Variants in CSMD1 observed in about 807,000 individuals in gnomAD.
CSMD1 encodes CUB and Sushi multiple domains 1.
Under a neutral mutation model 417.5 loss-of-function variants are expected in CSMD1, and 213 were observed. The ratio of observed to expected loss-of-function variants is 0.51; its 90% CI spans 0.46 to 0.57. The LOEUF (loss-of-function observed/expected upper bound fraction) is 0.57. Among genes scored for constraint, CSMD1 ranks in the 20% least tolerant of loss-of-function variants. The pLI is 0.00. For synonymous variants in CSMD1, 2,862 were observed against 1,736.8 expected, an observed-to-expected ratio of 1.65 and a Z score of -16.11; for missense variants, 6,923 against 4,529.7, an observed-to-expected ratio of 1.53 and a Z score of -15.17.
intron 6 of CSMD1, among the ~76,000 whole-genome samples, chr8:3,718,177 G>A (rs1432423163): frequency 6.6e-6 from 1 of 152,198 alleles, no homozygotes; most frequent in African/African-American, 2.4e-5. Context: ...ATTACGAGAA[G>A]CGAGTTGTTA....
chr8:3,866,826 C>G (rs1377375610), intron 5 of CSMD1, among the ~76,000 whole-genome samples: 1 of 152,086 alleles, frequency 6.6e-6, no homozygotes, highest in Non-Finnish European at 1.5e-5. Context: ...GACTTCAAAT[C>G]GGTATTAATC....
chr8:4,570,738 C>T (rs1203330019), intron 2 of CSMD1, among the ~76,000 whole-genome samples: 2 of 152,104 alleles, frequency 1.3e-5, no homozygotes, highest in African/African-American at 2.4e-5. Flanking sequence ...CTCTTTGCAC[C>T]TCTTGTAGAA....
chr8:4,211,129 A>G (rs1056622763), intron 3 of CSMD1, among the ~76,000 whole-genome samples: 2 of 152,210 alleles, frequency 1.3e-5, no homozygotes. Context: ...TATTCCTGAA[A>G]TGTGTGTTCT....
chr8:3,635,240 C>T (rs987330241), intron 7 of CSMD1, among the ~76,000 whole-genome samples: 6 of 151,986 alleles, frequency 3.9e-5, no homozygotes, highest in Non-Finnish European at 7.4e-5. Flanking sequence ...CTTTCAGAAT[C>T]CTAGGTGGGT....
At chr8:4,175,840 T>C (rs1195798057) in intron 3 of CSMD1, among the ~76,000 whole-genome samples, 1 of 152,164 alleles carries the variant, frequency 6.6e-6, no homozygotes, top group Non-Finnish European at 1.5e-5. Context: ...TGAAAGTAAC[T>C]GGAAAGAAAT....
rs201190105 is a variant in CSMD1, at chr8:3,160,779, T to G, written c.5844+1380A>C. On this transcript the variant is annotated intron_variant, in intron 38 of 69. Coordinates refer to ENST00000635120, the MANE Select transcript of CSMD1 (RefSeq NM_033225.6). ...CTCTAAGCTGAAAGCATACATCACA[T>G]GGTACCCATGTCCCACGGTTGATCA... 1.3e-4 allele frequency among the ~76,000 whole-genome samples: 20 copies of G among 152,340 alleles called. No individual in the cohort carries two copies. In the East Asian group the frequency reaches 3.5e-3, roughly 26 times the overall value.
intron 1 of CSMD1, among the ~76,000 whole-genome samples, chr8:4,678,055 G>A (rs1187059987): frequency 2.0e-5 from 3 of 152,050 alleles, no homozygotes; most frequent in African/African-American, 7.2e-5. Context: ...CAGCACACAT[G>A]GACACACACC....
intron 2 of CSMD1, among the ~76,000 whole-genome samples, chr8:4,439,235 A>C (rs528844027): frequency 6.6e-6 from 1 of 152,280 alleles, no homozygotes; most frequent in South Asian, 2.1e-4. Context: ...TTTATATGAA[A>C]TATATTGCTT....
intron 54 of CSMD1, among the ~76,000 whole-genome samples, chr8:2,993,731 A>C (rs1478882615): frequency 6.6e-6 from 1 of 152,150 alleles, no homozygotes; most frequent in Admixed American, 6.5e-5. Flanking sequence ...AGCGTGGCTA[A>C]AGTTTTAGGA....
At chr8:4,662,016 T>TTA (rs1804639064) in intron 1 of CSMD1, among the ~76,000 whole-genome samples, 1 of 152,176 alleles carries the variant, frequency 6.6e-6, no homozygotes, top group Admixed American at 6.5e-5. Context: ...TGATGAACAA[T>TTA]TATATCATGG....
chr8:4,250,123 A>G (rs1000143272), intron 3 of CSMD1, among the ~76,000 whole-genome samples: 2 of 152,164 alleles, frequency 1.3e-5, no homozygotes, highest in Non-Finnish European at 2.9e-5. Context: ...GCCCCTGATC[A>G]ACTACCAGTG....
Position 3,819,823 on chromosome 8 carries a change from G to A in CSMD1, c.819-65781C>T, listed in dbSNP as rs140149561. Among the ~76,000 whole-genome samples the A allele has an allele frequency of 1.1e-3, 172 of 152,184 alleles. 1 individual carries two copies. The highest frequency in any genetic ancestry group is 4.8e-3 in the South Asian group (23 of 4,812). On this transcript the variant is annotated intron_variant, in intron 5 of 69. Transcript: ENST00000635120. ...GCCTCCCAAAGTACTGAGATTACAG[G>A]CGTGACCCATCGCACCTGGCCTGAA...
rs183790474 is a variant in CSMD1, at chr8:4,083,483, C to T, written c.416-51384G>A. Among the ~76,000 whole-genome samples, 583 of 152,166 alleles carry T rather than the reference C, an allele frequency of 3.8e-3. 4 individuals are homozygous for T. Among genetic ancestry groups the T allele is most frequent in the Middle Eastern group, 0.017 (5 of 294 alleles). Reference sequence around the variant, plus strand: ...AACCAAAACAGCATGGTACTGGTACCAAAACAGAGATATAGATCAATGGAA... The same window carrying T: ...AACCAAAACAGCATGGTACTGGTACTAAAACAGAGATATAGATCAATGGAA... On this transcript the variant is annotated intron_variant, in intron 3 of 69. Coordinates refer to ENST00000635120, the MANE Select transcript of CSMD1 (RefSeq NM_033225.6).
intron 11 of CSMD1, among the ~76,000 whole-genome samples, chr8:3,477,534 C>A (rs542050003): frequency 1.3e-5 from 2 of 152,258 alleles, no homozygotes; most frequent in East Asian, 1.9e-4. Context: ...TTTTCAGGCA[C>A]CTGGGTACCT....
intron 1 of CSMD1, among the ~76,000 whole-genome samples, chr8:4,974,851 A>G (rs1372044036): frequency 6.6e-6 from 1 of 152,226 alleles, no homozygotes; most frequent in African/African-American, 2.4e-5. Flanking sequence ...GTTATTAAGC[A>G]TTATAACTAT....
At chr8:3,458,819 T>C (rs767723910) in intron 12 of CSMD1, among the ~76,000 whole-genome samples, 16 of 152,006 alleles carry the variant, frequency 1.1e-4, no homozygotes, top group East Asian at 3.9e-4. Flanking sequence ...AGAAACAGGA[T>C]TGAATAAAAT....
At position 4,421,058 on chromosome 8, in the gene CSMD1, T is replaced by G. The variant is rs73658875; in HGVS notation, c.303-993A>C. Among the ~76,000 whole-genome samples, 326 of 152,312 alleles carry G rather than the reference T, an allele frequency of 2.1e-3. 4 individuals carry two copies. The highest frequency in any genetic ancestry group is 7.7e-3 in the African/African-American group (319 of 41,566). ...CAGTCCCCTTAAAGAGACTCATTTG[T>G]TCATTTTTTCCCATTGGATGCCAAT... On this transcript the variant is annotated intron_variant, in intron 2 of 69. Transcript: ENST00000635120.
intron 6 of CSMD1, among the ~76,000 whole-genome samples, chr8:3,722,192 C>T (rs1368484181): frequency 6.6e-6 from 1 of 152,058 alleles, no homozygotes. Flanking sequence ...ACCTGCAGGC[C>T]CACCTACTCG....
chr8:4,286,502 G>A (rs913336818), intron 3 of CSMD1, among the ~76,000 whole-genome samples: 1 of 152,062 alleles, frequency 6.6e-6, no homozygotes, highest in Non-Finnish European at 1.5e-5. Flanking sequence ...TTGTGGCACA[G>A]GAAGGAAGAC....
Sources: gnomAD v4.1 joint callset for allele counts (sites outside exome capture counted in the v4.1 genomes callset) on GRCh38, gnomAD v4.1.1 for gene constraint, MANE v1.5 for transcripts, NCBI Gene and HGNC (gene_info 2026-07-23, HGNC 2026-07-21) for gene names.